The following PARD3 variants were observed in gnomAD, a reference collection of about 807,000 sequenced individuals.
PARD3 encodes the protein par-3 family cell polarity regulator.
In PARD3, 75 loss-of-function variants were observed where a neutral mutation model predicts 155.4. The ratio of observed to expected loss-of-function variants is 0.48; its 90% confidence interval spans 0.40 to 0.58. The LOEUF is 0.58. Among genes scored for constraint, PARD3 ranks in the 20% least tolerant of loss-of-function variants. PARD3 has a pLI of 0.00. For missense variants in PARD3, 1,642 were observed against 1,721.7 expected, an observed-to-expected ratio of 0.95 and a Z score of 0.82; for synonymous variants, 576 against 610.5, an observed-to-expected ratio of 0.94 and a Z score of 0.83.
chr10:34,320,949 T>A (rs1019244987), intron 19 of PARD3, among the ~76,000 whole-genome samples: 1 of 152,316 alleles, frequency 6.6e-6, no homozygotes, highest in Admixed American at 6.5e-5. Context: ...TAGCTTCATA[T>A]GTACAAACAT....
chr10:34,713,346 T>C (rs1038880021), intron 1 of PARD3, among the ~76,000 whole-genome samples: 4 of 152,006 alleles, frequency 2.6e-5, no homozygotes, highest in African/African-American at 4.8e-5. Context: ...CCAGGTAATA[T>C]GCTAGACTAA....
At chr10:34,646,070 T>C (rs1401839173) in intron 2 of PARD3, among the ~76,000 whole-genome samples, 1 of 152,188 alleles carries the variant, frequency 6.6e-6, no homozygotes, top group Non-Finnish European at 1.5e-5. Flanking sequence ...CAAAATAGCA[T>C]TCTTCACAAA....
At chr10:34,333,390 A>C (rs1835822494) in intron 18 of PARD3, among the ~76,000 whole-genome samples, 1 of 152,142 alleles carries the variant, frequency 6.6e-6, no homozygotes, top group Admixed American at 6.6e-5. Context: ...CAATGGTCAA[A>C]GTATAATTCG....
At chr10:34,128,425 T>C (rs929722955) in intron 23 of PARD3, among the ~76,000 whole-genome samples, 7 of 152,240 alleles carry the variant, frequency 4.6e-5, no homozygotes, top group Non-Finnish European at 8.8e-5. Flanking sequence ...CTAGTTTATA[T>C]TACTGTAAGA....
At chr10:34,270,621 A>G (rs1296677708) in intron 21 of PARD3, among the ~76,000 whole-genome samples, 1 of 152,136 alleles carries the variant, frequency 6.6e-6, no homozygotes, top group Non-Finnish European at 1.5e-5. Flanking sequence ...ATATATACCT[A>G]TCTTACTCAT....
At chr10:34,268,741 A>G (rs1286510008) in intron 22 of PARD3, among the ~76,000 whole-genome samples, 1 of 152,062 alleles carries the variant, frequency 6.6e-6, no homozygotes, top group African/African-American at 2.4e-5. Flanking sequence ...GAACACTTGG[A>G]CACAGGAAGG....
intron 21 of PARD3, among the ~76,000 whole-genome samples, chr10:34,278,404 T>C (rs1355759847): frequency 6.6e-6 from 1 of 152,116 alleles, no homozygotes; most frequent in African/African-American, 2.4e-5. Context: ...CATTTTAAAA[T>C]AGTAATTTTA....
chr10:34,658,501 C>T (rs989694819), intron 2 of PARD3, among the ~76,000 whole-genome samples: 1 of 152,050 alleles, frequency 6.6e-6, no homozygotes, highest in South Asian at 2.1e-4. Flanking sequence ...ACGGTACCCA[C>T]CCTCCGAGGA....
At chr10:34,652,941 C>T (rs982307963) in intron 2 of PARD3, among the ~76,000 whole-genome samples, 1 of 151,928 alleles carries the variant, frequency 6.6e-6, no homozygotes, top group Non-Finnish European at 1.5e-5. Context: ...TGGATGAGCC[C>T]GGAGGACATT....
At chr10:34,407,695 T>C (rs554422439) in intron 5 of PARD3, among the ~76,000 whole-genome samples, 2 of 152,126 alleles carry the variant, frequency 1.3e-5, no homozygotes, top group South Asian at 4.2e-4. Flanking sequence ...GAGCCAGGCA[T>C]GGTGGCGTGC....
intron 1 of PARD3, among the ~76,000 whole-genome samples, chr10:34,800,913 T>C (rs1483493541): frequency 1.3e-5 from 2 of 152,222 alleles, no homozygotes; most frequent in African/African-American, 4.8e-5. Flanking sequence ...CCCCGGAATC[T>C]ATAAAGAAAG....
At chr10:34,511,188 G>A (rs1354813360) in intron 3 of PARD3, among the ~76,000 whole-genome samples, 1 of 152,130 alleles carries the variant, frequency 6.6e-6, no homozygotes, top group Non-Finnish European at 1.5e-5. Context: ...ATGCTTCTCA[G>A]GGTTCTGTAT....
chr10:34,227,854 T>TATATATATATATA lies in PARD3; in HGVS notation c.3419+41802_3419+41803insTATATATATATAT, dbSNP rs1952683542. 2.9e-3 allele frequency among the ~76,000 whole-genome samples: 76 copies of TATATATATATATA among 26,490 alleles called. 2 individuals carry two copies. The highest frequency in any genetic ancestry group is 5.5e-3 in the African/African-American group (73 of 13,298). The allele number at this position is 26,490 out of a possible 152,430, so 17.4% of individuals were successfully genotyped here. On this transcript the variant is annotated intron_variant, in intron 22 of 24. Coordinates refer to ENST00000374788, the MANE Select transcript of PARD3 (RefSeq NM_001184785.2). ...TATATTCCCAGTAATGGGAATTATT[T>TATATATATATATA]TTTATATATATATATATATATATAT...
chr10:34,176,421 G>A (rs193143493), intron 22 of PARD3, among the ~76,000 whole-genome samples: 36 of 152,280 alleles, frequency 2.4e-4, no homozygotes, highest in Non-Finnish European at 4.7e-4. Context: ...AGACAGATGT[G>A]CTTGTTAGCA....
At chr10:34,344,255 T>G in intron 15 of PARD3, 2 of 979,858 alleles carry the variant, frequency 2.0e-6, no homozygotes, top group Non-Finnish European at 2.4e-6. Flanking sequence ...CTGTTGCTGG[T>G]TTTTTTGTTT....
chr10:34,145,214 TATATATA>T (rs200960660), intron 22 of PARD3, among the ~76,000 whole-genome samples: 50 of 80,008 alleles, frequency 6.2e-4, no homozygotes, highest in South Asian at 3.8e-3. Context: ...TATATATATA[TATATATA>T]TTTTTTTTTT....
At chr10:34,291,818 A>C (rs1052315652) in intron 20 of PARD3, among the ~76,000 whole-genome samples, 2 of 152,232 alleles carry the variant, frequency 1.3e-5, no homozygotes, top group African/African-American at 4.8e-5. Context: ...AGGCCAAGGC[A>C]GGAGGATCAC....
intron 1 of PARD3, among the ~76,000 whole-genome samples, chr10:34,711,834 C>T (rs934967036): frequency 4.6e-5 from 7 of 152,184 alleles, no homozygotes; most frequent in African/African-American, 1.4e-4. Context: ...TCAGGATCAA[C>T]GCCCCCATTC....
chr10:34,301,097 G>T (rs1336660264), intron 20 of PARD3, among the ~76,000 whole-genome samples: 1 of 152,174 alleles, frequency 6.6e-6, no homozygotes, highest in African/African-American at 2.4e-5. Flanking sequence ...GCTTGTGTTT[G>T]TATCACAGTG....
Sources: gnomAD v4.1 joint callset for allele counts (sites outside exome capture counted in the v4.1 genomes callset) on GRCh38, gnomAD v4.1.1 for gene constraint, MANE v1.5 for transcripts, NCBI Gene and HGNC (gene_info 2026-07-23, HGNC 2026-07-21) for gene names.